The following FNBP1 variants were observed in gnomAD, a reference collection of about 807,000 sequenced individuals.
FNBP1 encodes the protein formin-binding protein 1.
Under a neutral mutation model 90.6 loss-of-function variants are expected in FNBP1, and 26 were observed. The observed-to-expected ratio is 0.29, with a 90% CI of 0.21 to 0.40. FNBP1 has a LOEUF of 0.40. Ranked by LOEUF, FNBP1 falls within the 10% of genes least tolerant of loss-of-function variation. The pLI is 1.00. For missense variants in FNBP1, 635 were observed against 768.0 expected, an observed-to-expected ratio of 0.83 and a Z score of 2.05; for synonymous variants, 260 against 265.2, an observed-to-expected ratio of 0.98 and a Z score of 0.19.
intron 13 of FNBP1, among the ~76,000 whole-genome samples, chr9:129,901,565 C>A (rs377319873): frequency 1.6e-4 from 25 of 151,762 alleles, no homozygotes; most frequent in Non-Finnish European, 5.9e-5. Flanking sequence ...AAGAAAAGGA[C>A]CGTTCTAAGT....
intron 1 of FNBP1, among the ~76,000 whole-genome samples, chr9:130,033,291 A>G (rs2132205794): frequency 6.6e-6 from 1 of 152,274 alleles, no homozygotes; most frequent in South Asian, 2.1e-4. Flanking sequence ...ATACTAATAA[A>G]TATTAGATTA....
rs533472716 is a variant in FNBP1, at chr9:129,895,963, C to T, written c.1721G>A (p.Gly574Glu). 6.2e-7 allele frequency: 1 copy of T among 1,610,496 alleles called. No individual in the cohort carries two copies. The highest frequency in any genetic ancestry group is 1.1e-5 in the South Asian group (1 of 89,994). Reference sequence around the variant, plus strand: ...TTCCTCTATGACATACAATGTTTCTCCTTCAACTACGGAAATCGTTCCTTC... The same window carrying T: ...TTCCTCTATGACATACAATGTTTCTTCTTCAACTACGGAAATCGTTCCTTC... ...QNEGTISVVE[G>E]ETLYVIEEDK... The change falls in exon 16 of 17, where the codon GGA becomes GAA. Residue 574 changes from glycine to glutamate, a missense_variant. Gly to Glu is a moderately conservative substitution (Grantham distance 98). Coordinates refer to ENST00000446176, the MANE Select transcript of FNBP1 (RefSeq NM_015033.3).
rs191412529 is a variant in FNBP1 at position 129,889,258 on chromosome 9, G to A, written c.*1281C>T. On this transcript the variant is annotated 3_prime_UTR_variant, in exon 17 of 17. Transcript: ENST00000446176. ...TCCCTCAAAGGACCACGAGAGGCAC[G>A]GGGTCTTTGGTGATGAAAGTGCTAA... 3.5e-4 allele frequency: 67 copies of A among 193,122 alleles called. No individual in the cohort carries two copies. Among genetic ancestry groups the A allele is most frequent in the East Asian group, 5.7e-4 (7 of 12,360 alleles). The allele number at this position is 193,122 out of a possible 1,614,324, so 12.0% of individuals were successfully genotyped here.
intron 4 of FNBP1, among the ~76,000 whole-genome samples, chr9:129,965,664 GA>G (rs1371145104): frequency 1.3e-5 from 2 of 150,226 alleles, no homozygotes; most frequent in African/African-American, 4.9e-5. Context: ...GTAACATGGT[GA>G]AACCCCATCT....
intron 1 of FNBP1, among the ~76,000 whole-genome samples, chr9:130,022,069 G>A (rs904393623): frequency 3.3e-5 from 5 of 152,140 alleles, no homozygotes; most frequent in African/African-American, 9.7e-5. Flanking sequence ...ATGTTGGCCA[G>A]GCTGGTCTCA....
At chr9:129,959,090 A>C (rs780861639) in intron 4 of FNBP1, among the ~76,000 whole-genome samples, 1 of 151,368 alleles carries the variant, frequency 6.6e-6, no homozygotes, top group African/African-American at 2.4e-5. Context: ...TGGGGGGAAA[A>C]AAAGCAGTCA....
At chr9:130,018,730 A>G (rs2057512111) in intron 1 of FNBP1, among the ~76,000 whole-genome samples, 1 of 152,110 alleles carries the variant, frequency 6.6e-6, no homozygotes, top group Admixed American at 6.6e-5. Context: ...GACATGAGCC[A>G]CCATGTCCAG....
At chr9:129,931,600 C>T (rs904284821) in intron 6 of FNBP1, among the ~76,000 whole-genome samples, 11 of 150,196 alleles carry the variant, frequency 7.3e-5, no homozygotes, top group Admixed American at 4.6e-4. Flanking sequence ...AGCAAGACTC[C>T]GTCTCAAAAA....
chr9:129,889,148 A>G lies in FNBP1; in HGVS notation c.*1391T>C. On this transcript the variant is annotated 3_prime_UTR_variant, in exon 17 of 17. Transcript: ENST00000446176. The stretch of plus-strand genomic sequence containing the variant: ...TTTCCTCAAAAACCCACACAGGGAA[A>G]GAAACTTGGCTCTAAAAGCAAACTC... 1 of 220,822 alleles carries G rather than the reference A, an allele frequency of 4.5e-6. No homozygotes were observed. Among genetic ancestry groups the G allele is most frequent in the East Asian group, 6.5e-5 (1 of 15,300 alleles). 13.7% of individuals were successfully genotyped at this position (220,822 alleles called of 1,614,324 possible).
chr9:129,896,877 C>T (rs1282153470), intron 15 of FNBP1, among the ~76,000 whole-genome samples: 2 of 152,066 alleles, frequency 1.3e-5, no homozygotes, highest in East Asian at 1.9e-4. Flanking sequence ...GTGATCCACC[C>T]GCCTCGGCCT....
intron 6 of FNBP1, among the ~76,000 whole-genome samples, chr9:129,942,025 C>T (rs962918704): frequency 1.3e-5 from 2 of 151,178 alleles, no homozygotes; most frequent in African/African-American, 4.9e-5. Context: ...GAGCTAAGAT[C>T]GCACCACTGC....
intron 6 of FNBP1, among the ~76,000 whole-genome samples, chr9:129,937,702 C>T (rs1262684266): frequency 6.6e-6 from 1 of 151,508 alleles, no homozygotes; most frequent in Non-Finnish European, 1.5e-5. Flanking sequence ...CACTGCACTT[C>T]AGCCTGGTGA....
chr9:129,967,067 A>G (rs2048740101), intron 4 of FNBP1, among the ~76,000 whole-genome samples: 1 of 152,208 alleles, frequency 6.6e-6, no homozygotes, highest in Non-Finnish European at 1.5e-5. Flanking sequence ...ACTTGTTAAC[A>G]GATAAGAGAT....
intron 10 of FNBP1, among the ~76,000 whole-genome samples, chr9:129,921,944 GAAGT>G (rs1432816171): frequency 2.0e-5 from 3 of 152,034 alleles, no homozygotes; most frequent in Non-Finnish European, 4.4e-5. Flanking sequence ...TATTTGGAAA[GAAGT>G]AACCCAACCG....
At chr9:130,051,064 C>G in the FNBP1 span, among the ~76,000 whole-genome samples, 1 of 152,154 alleles carries the variant, frequency 6.6e-6, no homozygotes, top group South Asian at 2.1e-4. Flanking sequence ...CCATGCCTGG[C>G]TAATTTTTGT....
intron 2 of FNBP1, among the ~76,000 whole-genome samples, chr9:129,988,352 G>A (rs947842934): frequency 6.6e-6 from 1 of 151,402 alleles, no homozygotes; most frequent in Non-Finnish European, 1.5e-5. Context: ...GACCTCAGGG[G>A]TTGGCAAACT....
At chr9:130,043,282 G>T (rs2060000871), upstream of FNBP1, 1 of 229,744 alleles carries the variant, frequency 4.4e-6, no homozygotes, top group Non-Finnish European at 8.4e-6. Context: ...GCGCACGCGC[G>T]CCCGCCCCAC....
At chr9:129,895,799 G>GTTTT (rs71738364) in intron 16 of FNBP1, 39 bp downstream of exon 16, 6 of 1,357,156 alleles carry the variant, frequency 4.4e-6, no homozygotes, top group South Asian at 1.5e-5. Flanking sequence ...TTTTTTTTAA[G>GTTTT]TTTTTTTTTT....
intron 1 of FNBP1, among the ~76,000 whole-genome samples, chr9:129,996,960 G>T (rs1038985522): frequency 7.2e-5 from 11 of 152,054 alleles, no homozygotes; most frequent in African/African-American, 2.4e-4. Context: ...ATCCCAAAGT[G>T]CTGGGATTAC....
Sources: allele counts gnomAD v4.1 joint callset (sites outside exome capture counted in the v4.1 genomes callset), GRCh38; gene constraint gnomAD v4.1.1; transcripts MANE v1.5; gene names NCBI Gene and HGNC (gene_info 2026-07-23, HGNC 2026-07-21).